Variants in PLEKHJ1 observed in about 807,000 individuals in gnomAD.
PLEKHJ1 encodes pleckstrin homology domain containing J1.
In PLEKHJ1, 20 loss-of-function variants were observed where a neutral mutation model predicts 21.7. The observed-to-expected ratio is 0.92, with a 90% CI of 0.65 to 1.34. PLEKHJ1 has a LOEUF of 1.34. PLEKHJ1 is among the 40% of genes most tolerant of loss of function. The probability of loss-of-function intolerance (pLI) is 0.00; values close to 1 mark genes in which losing one functional copy is unlikely to be tolerated. For synonymous variants in PLEKHJ1, 113 were observed against 80.6 expected, an observed-to-expected ratio of 1.40 and a Z score of -2.15; for missense variants, 241 against 202.0, an observed-to-expected ratio of 1.19 and a Z score of -1.17.
downstream of PLEKHJ1, among the ~76,000 whole-genome samples, chr19:2,232,922 C>G (rs542348071): frequency 6.6e-6 from 1 of 152,188 alleles, no homozygotes; most frequent in African/African-American, 2.4e-5. Flanking sequence ...CGGGAGGGCC[C>G]GTGAATGCCA....
At chr19:2,232,552 G>A (rs768511185), downstream of PLEKHJ1, 28 of 210,812 alleles carry the variant, frequency 1.3e-4, no homozygotes, top group Non-Finnish European at 2.3e-4. Context: ...TCTAGACGCT[G>A]TAATAAACAG....
chr19:2,236,117 G>T (rs753402572), intron 1 of PLEKHJ1, 38 bp downstream of exon 1: 1 of 1,352,652 alleles, frequency 7.4e-7, no homozygotes, highest in South Asian at 1.5e-5. Flanking sequence ...CCGGCCTCCC[G>T]CCCCTGGCAC....
At chr19:2,232,666 A>C (rs1348479750), downstream of PLEKHJ1, 4 of 180,458 alleles carry the variant, frequency 2.2e-5, no homozygotes, top group African/African-American at 9.4e-5. Flanking sequence ...GTCATCGCCG[A>C]AACGGGGAGT....
chr19:2,234,129 C>T, intron 4 of PLEKHJ1, 21 bp downstream of exon 4: 1 of 1,611,766 alleles, frequency 6.2e-7, no homozygotes, highest in Non-Finnish European at 8.5e-7. Flanking sequence ...CCCAGCAGTG[C>T]CCACCACCGC....
Position 2,233,493 on chromosome 19 carries a change from G to T in PLEKHJ1, c.*347C>A, listed in dbSNP as rs1301016388. ...GGGGCCCCAGGGAGCGCAGCTTGCT[G>T]GGCAGTTTCATAAAATGCAGCCCCT... is the stretch of plus-strand genomic sequence containing the variant. On this transcript the variant is annotated 3_prime_UTR_variant, in exon 6 of 6. Transcript: ENST00000326631. The T allele has an allele frequency of 1.1e-5, 4 of 349,102 alleles. No homozygotes were observed. The highest frequency in any genetic ancestry group is 2.1e-5 in the Non-Finnish European group (4 of 190,354). The allele number at this position is 349,102 out of a possible 1,614,324, so 21.6% of individuals were successfully genotyped here. A position where few individuals can be genotyped will look rare whatever the true frequency, so the allele number is the denominator to read the frequency against.
Position 2,235,548 on chromosome 19 carries a change from C to CCTTG in PLEKHJ1, c.229+213_229+214insCAAG. The stretch of plus-strand genomic sequence containing the variant: ...ACAAAGAGCAGAGTCTGGGAGGGAC[C>CCTTG]CAAGCTTAAGTGGACTCGGCAGGTG... On this transcript the variant is annotated intron_variant, in intron 3 of 5. Coordinates refer to ENST00000326631, the MANE Select transcript of PLEKHJ1 (RefSeq NM_018049.3). The CCTTG allele has an allele frequency of 1.5e-5, 9 of 586,986 alleles. No homozygotes were observed. In the South Asian group the frequency reaches 1.7e-4, roughly 11 times the overall value. The allele number at this position is 586,986 out of a possible 1,614,324, so 36.4% of individuals were successfully genotyped here.
In PLEKHJ1 at chr19:2,233,609, C is replaced by T. The variant is rs2024684666; in HGVS notation, c.*231G>A. On this transcript the variant is annotated 3_prime_UTR_variant, in exon 6 of 6. Coordinates refer to ENST00000326631, the MANE Select transcript of PLEKHJ1 (RefSeq NM_018049.3). ...GGTGTGATGGCCGGGTGTGGCGGCTCATGCCTGTGATCCCCGCTACTTGGG... is the reference window on the plus strand; with the variant it reads ...GGTGTGATGGCCGGGTGTGGCGGCTTATGCCTGTGATCCCCGCTACTTGGG... 3.6e-6 allele frequency: 2 copies of T among 562,978 alleles called. No individual in the cohort carries two copies. The highest frequency in any genetic ancestry group is 6.3e-6 in the Non-Finnish European group (2 of 318,750). 34.9% of individuals were successfully genotyped at this position (562,978 alleles called of 1,614,324 possible).
At chr19:2,230,206 C>T, downstream of PLEKHJ1, 1 of 441,882 alleles carries the variant, frequency 2.3e-6, no homozygotes. Flanking sequence ...CCGCTTGGTG[C>T]TGACTAGACG....
Position 2,235,771 on chromosome 19 carries a change from A to G in PLEKHJ1, c.220T>C (p.Phe74Leu). The stretch of plus-strand genomic sequence containing the variant: ...CCCTAGCCCCACTCACTGATGGAGA[A>G]GGTGCCGGGCTCTTCCCGGACGACT... ...CRVVREEPGT[F>L]SISFIEDPER... is the part of the protein sequence containing the mutation. Residue 74 changes from phenylalanine (F) to leucine (L), a missense_variant, in exon 3 of 6, where the codon TTC becomes CTC. Phe to Leu is a conservative substitution (Grantham distance 22). Coordinates refer to ENST00000326631, the MANE Select transcript of PLEKHJ1 (RefSeq NM_018049.3). 1 of 1,548,976 alleles carries G rather than the reference A, an allele frequency of 6.5e-7. No individual in the cohort carries two copies. The highest frequency in any genetic ancestry group is 8.7e-7 in the Non-Finnish European group (1 of 1,146,566).
downstream of PLEKHJ1, among the ~76,000 whole-genome samples, chr19:2,232,823 C>T (rs762859190): frequency 6.6e-6 from 1 of 152,206 alleles, no homozygotes; most frequent in Non-Finnish European, 1.5e-5. Flanking sequence ...TTTTGATGAA[C>T]GGAAAACCAG....
downstream of PLEKHJ1, chr19:2,231,969 G>C (rs931263711): frequency 2.8e-5 from 6 of 211,030 alleles, no homozygotes; most frequent in Non-Finnish European, 5.8e-5. Context: ...GTGAACTAGT[G>C]TGGTGGCTGC....
intron 3 of PLEKHJ1, chr19:2,235,425 A>C: frequency 7.2e-6 from 2 of 279,492 alleles, no homozygotes; most frequent in Non-Finnish European, 6.7e-6. Flanking sequence ...CCGGGGCCAT[A>C]TAACAATGCT....
chr19:2,235,191 C>G (rs1036667072), intron 3 of PLEKHJ1: 1 of 152,406 alleles, frequency 6.6e-6, no homozygotes, highest in Non-Finnish European at 1.5e-5. Flanking sequence ...AGATTCCCCT[C>G]GGCCTCAGAA....
Position 2,234,256 on chromosome 19 carries a change from C to T in PLEKHJ1, c.230-16G>A. 1.2e-6 allele frequency: 2 copies of T among 1,602,514 alleles called. No individual in the cohort carries two copies. Among genetic ancestry groups the T allele is most frequent in the Admixed American group, 1.7e-5 (1 of 59,886 alleles). ...TCAATGAAGCCTGGGGATGGAACAC[C>T]TGTGGTCGGTCCTACCCACAGCCAC... is the stretch of plus-strand genomic sequence containing the variant. On this transcript the variant is annotated splice_polypyrimidine_tract_variant and intron_variant, in intron 3 of 5. Coordinates refer to ENST00000326631, the MANE Select transcript of PLEKHJ1 (RefSeq NM_018049.3).
chr19:2,231,788 C>T, downstream of PLEKHJ1: 1 of 215,948 alleles, frequency 4.6e-6, no homozygotes, highest in Admixed American at 5.8e-5. Context: ...ACTTCTGCCT[C>T]CCTCTAGGTG....
At chr19:2,231,295 C>T (rs2024586351), downstream of PLEKHJ1, 3 of 221,412 alleles carry the variant, frequency 1.4e-5, no homozygotes, top group African/African-American at 2.2e-5. Context: ...CCCAAGGTGC[C>T]ACAGATCCAC....
chr19:2,235,465 A>C, intron 3 of PLEKHJ1: 2 of 447,418 alleles, frequency 4.5e-6, no homozygotes, highest in Non-Finnish European at 8.0e-6. Flanking sequence ...CAGCTGGGGA[A>C]ACGCTTTGGG....
Position 2,234,258 on chromosome 19 carries a change from G to A in PLEKHJ1, c.230-18C>T, listed in dbSNP as rs148585201. 600 of 1,599,066 alleles carry A rather than the reference G, an allele frequency of 3.8e-4. 2 individuals carry two copies. In the African/African-American group the frequency reaches 6.2e-3, roughly 16 times the overall value. ...AATGAAGCCTGGGGATGGAACACCTGTGGTCGGTCCTACCCACAGCCACAA... is the reference window on the plus strand; with the variant it reads ...AATGAAGCCTGGGGATGGAACACCTATGGTCGGTCCTACCCACAGCCACAA... On this transcript the variant is annotated intron_variant, in intron 3 of 5. Transcript: ENST00000326631.
rs531460788 is a variant in PLEKHJ1 at position 2,233,567 on chromosome 19, C to G, written c.*273G>C. On this transcript the variant is annotated 3_prime_UTR_variant, in exon 6 of 6. Coordinates refer to ENST00000326631, the MANE Select transcript of PLEKHJ1 (RefSeq NM_018049.3). ...CTTTGGATGTCTCCAAACCAAAAAC[C>G]TCCCACTGAAAATCCAGGTGTGATG... The G allele has an allele frequency of 1.9e-4, 100 of 528,208 alleles. 1 individual carries two copies. Among genetic ancestry groups the G allele is most frequent in the African/African-American group, 1.7e-3 (89 of 52,452 alleles). 32.7% of individuals were successfully genotyped at this position (528,208 alleles called of 1,614,324 possible). A position where few individuals can be genotyped will look rare whatever the true frequency, so the allele number is the denominator to read the frequency against.
Sources: allele counts gnomAD v4.1 joint callset (sites outside exome capture counted in the v4.1 genomes callset), GRCh38; gene constraint gnomAD v4.1.1; transcripts MANE v1.5; gene names NCBI Gene and HGNC (gene_info 2026-07-23, HGNC 2026-07-21).